Variants in HIP1 observed in about 807,000 individuals in gnomAD.
The protein encoded by HIP1 is huntingtin interacting protein 1.
Under a neutral mutation model 147.6 loss-of-function variants are expected in HIP1, and 65 were observed. That is an observed-to-expected ratio of 0.44 (90% CI 0.36 to 0.54). The LOEUF (loss-of-function observed/expected upper bound fraction) is 0.54. Ranked by LOEUF, HIP1 falls within the 20% of genes least tolerant of loss-of-function variation. HIP1 has a pLI of 0.00. For synonymous variants in HIP1, 479 were observed against 504.0 expected (o/e 0.95, Z 0.67); for missense variants, 1,061 against 1,299.6 (o/e 0.82, Z 2.82).
intron 1 of HIP1, among the ~76,000 whole-genome samples, chr7:75,624,848 G>T (rs1797979727): frequency 6.6e-6 from 1 of 151,894 alleles, no homozygotes; most frequent in Non-Finnish European, 1.5e-5. Context: ...CATTCATTCA[G>T]ATAGTTATGA....
chr7:75,661,228 T>C (rs1554513547), intron 1 of HIP1, among the ~76,000 whole-genome samples: 1 of 149,622 alleles, frequency 6.7e-6, no homozygotes, highest in Non-Finnish European at 1.5e-5. Flanking sequence ...CAGTGAGCCA[T>C]CTTTGCATCA....
chr7:75,586,172 ATAGTGCC>A (rs1291771781), intron 5 of HIP1, among the ~76,000 whole-genome samples: 2 of 151,540 alleles, frequency 1.3e-5, no homozygotes, highest in Non-Finnish European at 2.9e-5. Context: ...ATAAGGCAAT[ATAGTGCC>A]TAGGGTTACT....
chr7:75,539,299 T>G, intron 30 of HIP1, 24 bp downstream of exon 30: 1 of 1,557,262 alleles, frequency 6.4e-7, no homozygotes, highest in Middle Eastern at 1.7e-4. Context: ...TGCGGGTTAG[T>G]GCCCATCCTT....
intron 4 of HIP1, 108 bp from the exon 5 acceptor site, chr7:75,586,941 CTTTAT>C: frequency 1.3e-6 from 1 of 750,086 alleles, no homozygotes. Flanking sequence ...GTTTTCTCCC[CTTTAT>C]TTTATTTATT....
At position 75,664,380 on chromosome 7, in the gene HIP1, GTGTATGTATACGTATACATACATA is replaced by G. The variant is rs1799477866; in HGVS notation, c.121-65157_121-65134del. 2.2e-5 allele frequency among the ~76,000 whole-genome samples: 3 copies of G among 136,186 alleles called. 1 individual carries two copies. The Admixed American group carries it at 2.2e-4, about 10-fold the overall frequency. 89.3% of individuals were successfully genotyped at this position (136,186 alleles called of 152,430 possible). A position where few individuals can be genotyped will look rare whatever the true frequency, so the allele number is the denominator to read the frequency against. On this transcript the variant is annotated intron_variant, in intron 1 of 30. Coordinates refer to ENST00000336926, the MANE Select transcript of HIP1 (RefSeq NM_005338.7). The stretch of plus-strand genomic sequence containing the variant: ...TACATACATATATACACATACATAT[GTGTATGTATACGTATACATACATA>G]TATACACATACATATGTGTGTGTAT...
intron 1 of HIP1, among the ~76,000 whole-genome samples, chr7:75,623,743 TCTC>T (rs1200943617): frequency 6.6e-6 from 1 of 152,194 alleles, no homozygotes; most frequent in South Asian, 2.1e-4. Context: ...AACCAACTCT[TCTC>T]CTCCTCCTCA....
Position 75,542,766 on chromosome 7 carries a change from G to A in HIP1, c.2890+85C>T. 3 of 1,266,304 alleles carry A rather than the reference G, an allele frequency of 2.4e-6. 1 individual carries two copies. Among genetic ancestry groups the A allele is most frequent in the African/African-American group, 3.0e-5 (2 of 67,504 alleles). The allele number at this position is 1,266,304 out of a possible 1,614,324, so 78.4% of individuals were successfully genotyped here. A position where few individuals can be genotyped will look rare whatever the true frequency, so the allele number is the denominator to read the frequency against. Reference sequence around the variant, plus strand: ...TATGAAAGAATTTAGACACAGTCCTGTGGGATTTGGTTGGGATCACAGGGA... The same window carrying A: ...TATGAAAGAATTTAGACACAGTCCTATGGGATTTGGTTGGGATCACAGGGA... On this transcript the variant is annotated intron_variant, in intron 28 of 30. Coordinates refer to ENST00000336926, the MANE Select transcript of HIP1 (RefSeq NM_005338.7).
chr7:75,561,944 A>C, intron 12 of HIP1, 129 bp downstream of exon 12: 1 of 647,122 alleles, frequency 1.5e-6, no homozygotes, highest in Non-Finnish European at 2.8e-6. Flanking sequence ...ATTGCCCCCA[A>C]CCCTTCAAGA....
At chr7:75,544,917 C>T (rs1794491151) in intron 26 of HIP1, 117 bp from the exon 27 acceptor site, 2 of 758,472 alleles carry the variant, frequency 2.6e-6, no homozygotes, top group Non-Finnish European at 4.5e-6. Flanking sequence ...AGGCTGCCTG[C>T]CCTGTGTCCC....
At chr7:75,539,508 T>G (rs1794221713) in intron 29 of HIP1, 77 bp from the exon 30 acceptor site, 1 of 1,206,490 alleles carries the variant, frequency 8.3e-7, no homozygotes, top group Admixed American at 1.8e-5. Context: ...TTTATAGAGA[T>G]GGGGTCTTGT....
intron 4 of HIP1, among the ~76,000 whole-genome samples, chr7:75,589,206 G>A (rs1796394068): frequency 6.6e-6 from 1 of 151,426 alleles, no homozygotes; most frequent in Non-Finnish European, 1.5e-5. Context: ...TGTACTAAAT[G>A]AAATTGAAAA....
intron 27 of HIP1, 113 bp from the exon 28 acceptor site, chr7:75,543,087 C>T: frequency 9.2e-7 from 1 of 1,083,812 alleles, no homozygotes; most frequent in African/African-American, 1.6e-5. Context: ...CGGCAATCAC[C>T]AATCAGCTTC....
intron 1 of HIP1, among the ~76,000 whole-genome samples, chr7:75,621,138 T>C (rs1403450338): frequency 1.3e-5 from 2 of 152,014 alleles, no homozygotes; most frequent in Non-Finnish European, 2.9e-5. Context: ...GCCCAGGAGT[T>C]TGAGGCTGCA....
intron 1 of HIP1, among the ~76,000 whole-genome samples, chr7:75,675,578 A>G (rs117606377): frequency 2.0e-4 from 31 of 151,920 alleles, no homozygotes; most frequent in Non-Finnish European, 3.2e-4. Context: ...TATAATTTCT[A>G]TCTGTTAATT....
At chr7:75,628,554 C>A (rs1229842395) in intron 1 of HIP1, among the ~76,000 whole-genome samples, 1 of 150,398 alleles carries the variant, frequency 6.6e-6, no homozygotes, top group East Asian at 2.0e-4. Context: ...TCTCGGCTCA[C>A]TCCAACCTCT....
chr7:75,569,504 G>C (rs1224250919), intron 8 of HIP1, among the ~76,000 whole-genome samples: 1 of 152,154 alleles, frequency 6.6e-6, no homozygotes, highest in Non-Finnish European at 1.5e-5. Context: ...AGCTACTCAA[G>C]AGGTTGAGGT....
intron 8 of HIP1, among the ~76,000 whole-genome samples, chr7:75,571,263 C>G (rs782130173): frequency 3.2e-4 from 48 of 151,934 alleles, no homozygotes; most frequent in Non-Finnish European, 5.7e-4. Flanking sequence ...TGGTGATGTT[C>G]TACTGAGCAA....
intron 5 of HIP1, among the ~76,000 whole-genome samples, chr7:75,586,172 A>G (rs1319570439): frequency 1.3e-5 from 2 of 151,540 alleles, no homozygotes; most frequent in Non-Finnish European, 2.9e-5. Flanking sequence ...ATAAGGCAAT[A>G]TAGTGCCTAG....
intron 1 of HIP1, chr7:75,611,532 C>A: frequency 4.4e-6 from 1 of 226,910 alleles, no homozygotes. Context: ...AGAAAATCTA[C>A]TCCCTTCCCC....
Sources: gnomAD v4.1 joint callset for allele counts (sites outside exome capture counted in the v4.1 genomes callset) on GRCh38, gnomAD v4.1.1 for gene constraint, MANE v1.5 for transcripts, NCBI Gene and HGNC (gene_info 2026-07-23, HGNC 2026-07-21) for gene names.